Variants in CSGALNACT1 observed in about 807,000 individuals in gnomAD.
The protein encoded by CSGALNACT1 is chondroitin sulfate N-acetylgalactosaminyltransferase 1.
CSGALNACT1 carries 52 observed loss-of-function variants against 51.0 expected under a neutral mutation model. The ratio of observed to expected loss-of-function variants is 1.02; its 90% CI spans 0.82 to 1.29. The LOEUF is 1.29. Ranked by LOEUF, CSGALNACT1 falls within the 50% of genes most tolerant of loss-of-function variation. The pLI is 0.00. For missense variants in CSGALNACT1, 935 were observed against 679.2 expected, an observed-to-expected ratio of 1.38 and a Z score of -4.19; for synonymous variants, 341 against 254.4, an observed-to-expected ratio of 1.34 and a Z score of -3.24.
At chr8:19,441,728 T>C (rs1273019377) in intron 5 of CSGALNACT1, among the ~76,000 whole-genome samples, 2 of 151,814 alleles carry the variant, frequency 1.3e-5, no homozygotes, top group African/African-American at 4.8e-5. Context: ...TGGGATCTAA[T>C]TAAACTAAAG....
intron 2 of CSGALNACT1, among the ~76,000 whole-genome samples, chr8:19,597,567 A>G (rs1436987168): frequency 6.6e-6 from 1 of 151,942 alleles, no homozygotes; most frequent in Admixed American, 6.6e-5. Context: ...CACCTCCCAG[A>G]GTGTTCCGAT....
intron 1 of CSGALNACT1, among the ~76,000 whole-genome samples, chr8:19,687,849 T>C (rs973674493): frequency 6.6e-6 from 1 of 152,204 alleles, no homozygotes; most frequent in Non-Finnish European, 1.5e-5. Context: ...CAATTTCTTG[T>C]AGAAGTCAGT....
In CSGALNACT1 at chr8:19,667,000, AAAGAAAGAAAGAAAGAAAGGAAGGAAGG is replaced by A. The variant is rs2059365841; in HGVS notation, c.-544+15445_-544+15472del. On this transcript the variant is annotated intron_variant, in intron 1 of 9. Coordinates refer to the CSGALNACT1 transcript ENST00000332246. Reference sequence around the variant, plus strand: ...GAAAGAAAGAAAGAAAGAAAGAAAGAAAGAAAGAAAGAAAGAAAGGAAGGAAGGAAGGAAGGAAGGAAGAAAGAAAGAA... The same window carrying A: ...GAAAGAAAGAAAGAAAGAAAGAAAGAAAGGAAGGAAGGAAGAAAGAAAGAA... 6.2e-4 allele frequency among the ~76,000 whole-genome samples: 13 copies of A among 21,054 alleles called. 1 individual carries two copies. Among genetic ancestry groups the A allele is most frequent in the Admixed American group, 3.2e-3 (6 of 1,860 alleles). The allele number at this position is 21,054 out of a possible 152,430, so 13.8% of individuals were successfully genotyped here.
intron 2 of CSGALNACT1, among the ~76,000 whole-genome samples, chr8:19,591,623 G>A (rs972326477): frequency 6.6e-6 from 1 of 152,068 alleles, no homozygotes; most frequent in African/African-American, 2.4e-5. Flanking sequence ...TGACTGATAG[G>A]GATAAAAAAT....
At chr8:19,543,391 G>A (rs140370106) in intron 3 of CSGALNACT1, among the ~76,000 whole-genome samples, 181 of 152,288 alleles carry the variant, frequency 1.2e-3, no homozygotes, top group Non-Finnish European at 2.2e-3. Flanking sequence ...GTCTGGGAAC[G>A]GGGCTTGTAA....
chr8:19,438,625 G>C lies in CSGALNACT1; in HGVS notation c.953+1205C>G, dbSNP rs546874329. ...AGACAGTAAACAGTTTAGGCTTTGT[G>C]AGTCACACAGTCTTTGTGGTGACTA... On this transcript the variant is annotated intron_variant, in intron 6 of 9. Coordinates refer to ENST00000454498, the Ensembl canonical transcript of CSGALNACT1. Among the ~76,000 whole-genome samples, 3 of 152,282 alleles carry C rather than the reference G, an allele frequency of 2.0e-5. No homozygotes were observed. In the East Asian group the frequency reaches 5.8e-4, roughly 29 times the overall value.
intron 3 of CSGALNACT1, among the ~76,000 whole-genome samples, chr8:19,543,456 T>G (rs1034148100): frequency 6.6e-6 from 1 of 152,236 alleles, no homozygotes; most frequent in Admixed American, 6.5e-5. Flanking sequence ...TGTTTTGCTG[T>G]GCCTAGACTG....
chr8:19,466,762 C>T (rs1040859826), intron 4 of CSGALNACT1, among the ~76,000 whole-genome samples: 2 of 152,208 alleles, frequency 1.3e-5, no homozygotes, highest in African/African-American at 4.8e-5. Context: ...AAATTATCTA[C>T]TTGAAGGCTG....
At chr8:19,677,627 G>A (rs1228521123) in intron 1 of CSGALNACT1, among the ~76,000 whole-genome samples, 2 of 152,154 alleles carry the variant, frequency 1.3e-5, no homozygotes, top group African/African-American at 4.8e-5. Flanking sequence ...CAGTCTATAA[G>A]TTCAGATGTG....
exon 10 of CSGALNACT1, chr8:19,405,846 C>A: frequency 6.2e-7 from 1 of 1,614,180 alleles, no homozygotes. Context: ...CGTGCCTGAA[C>A]ACCAGCATGC....
At chr8:19,440,047 C>G (rs2061054631) in intron 5 of CSGALNACT1, 116 bp from the exon 5 acceptor site, 2 of 822,176 alleles carry the variant, frequency 2.4e-6, no homozygotes, top group Non-Finnish European at 2.1e-6. Flanking sequence ...GGTAAACTTC[C>G]AGGAGAGCCG....
At chr8:19,736,525 A>T (rs1001116592) in intron 1 of CSGALNACT1, among the ~76,000 whole-genome samples, 15 of 152,218 alleles carry the variant, frequency 9.9e-5, no homozygotes, top group Middle Eastern at 3.4e-3. Flanking sequence ...CCAAAAAAAA[A>T]AAAAATAAAA....
intron 4 of CSGALNACT1, among the ~76,000 whole-genome samples, chr8:19,484,675 G>A (rs903898333): frequency 2.0e-5 from 3 of 152,218 alleles, no homozygotes; most frequent in African/African-American, 4.8e-5. Flanking sequence ...GGGCTGAAGT[G>A]TGTCTCCCCA....
exon 4 of CSGALNACT1, chr8:19,505,218 G>A (rs2153995641): frequency 6.2e-7 from 1 of 1,614,100 alleles, no homozygotes; most frequent in South Asian, 1.1e-5. Context: ...GAAATCAGAG[G>A]CCGTGTAAGG....
At chr8:19,611,043 T>C (rs948929294) in intron 1 of CSGALNACT1, among the ~76,000 whole-genome samples, 2 of 152,194 alleles carry the variant, frequency 1.3e-5, no homozygotes, top group African/African-American at 4.8e-5. Context: ...GCTCCCCCTG[T>C]CGCACGCCCT....
At chr8:19,633,524 C>A (rs1400443700) in intron 1 of CSGALNACT1, among the ~76,000 whole-genome samples, 1 of 152,176 alleles carries the variant, frequency 6.6e-6, no homozygotes, top group Non-Finnish European at 1.5e-5. Context: ...TTCCATATGG[C>A]TATTGTCCTC....
intron 1 of CSGALNACT1, among the ~76,000 whole-genome samples, chr8:19,668,321 C>G (rs1050533142): frequency 1.4e-5 from 2 of 145,446 alleles, no homozygotes; most frequent in Non-Finnish European, 3.0e-5. Flanking sequence ...CAATCTCTGT[C>G]TTGCACATAC....
At chr8:19,756,455 C>T (rs1189496108) in intron 1 of CSGALNACT1, among the ~76,000 whole-genome samples, 1 of 152,208 alleles carries the variant, frequency 6.6e-6, no homozygotes, top group Non-Finnish European at 1.5e-5. Context: ...CCATTCTTTG[C>T]TCATCGATGA....
At chr8:19,639,048 T>TCCTCC (rs2056437162) in intron 1 of CSGALNACT1, among the ~76,000 whole-genome samples, 2 of 152,170 alleles carry the variant, frequency 1.3e-5, no homozygotes, top group Middle Eastern at 3.4e-3. Context: ...CTCTAACGAC[T>TCCTCC]CCTCCCCTGC....
Sources: gnomAD v4.1 joint callset for allele counts (sites outside exome capture counted in the v4.1 genomes callset) on GRCh38, gnomAD v4.1.1 for gene constraint, MANE v1.5 for transcripts, NCBI Gene and HGNC (gene_info 2026-07-23, HGNC 2026-07-21) for gene names.